Variants in POLN observed in about 807,000 individuals in gnomAD.
The protein encoded by POLN is DNA polymerase N.
POLN carries 108 observed loss-of-function variants against 113.5 expected under a neutral mutation model. The observed-to-expected ratio is 0.95, with a 90% CI of 0.81 to 1.12. The LOEUF (loss-of-function observed/expected upper bound fraction) is 1.12. Ranked by LOEUF, POLN falls within the 50% of genes most tolerant of loss-of-function variation. POLN has a pLI of 0.00. For missense variants in POLN, 1,097 were observed against 1,077.1 expected, an observed-to-expected ratio of 1.02 and a Z score of -0.26; for synonymous variants, 386 against 391.5, an observed-to-expected ratio of 0.99 and a Z score of 0.17.
intron 23 of POLN, chr4:2,078,601 G>A: frequency 3.0e-6 from 3 of 985,256 alleles, no homozygotes; most frequent in Non-Finnish European, 3.6e-6. Context: ...CTGCTTCAGC[G>A]AGAGATGCCT....
Position 2,098,611 on chromosome 4 carries a change from C to T in POLN, c.1983-2678G>A, listed in dbSNP as rs369925593. Among the ~76,000 whole-genome samples the T allele has an allele frequency of 4.6e-5, 7 of 152,290 alleles. No individual in the cohort carries two copies. The East Asian group carries it at 7.7e-4, about 17-fold the overall frequency. On this transcript the variant is annotated intron_variant, in intron 19 of 25. Coordinates refer to ENST00000511885, the MANE Select transcript of POLN (RefSeq NM_181808.4). Reference sequence around the variant, plus strand: ...GACATCAGTATGAACTCATGATAAGCTCCATGTTGATGCACATGGTTACAT... The same window carrying T: ...GACATCAGTATGAACTCATGATAAGTTCCATGTTGATGCACATGGTTACAT...
chr4:2,159,109 C>A, intron 14 of POLN, 46 bp downstream of exon 14: 1 of 1,384,328 alleles, frequency 7.2e-7, no homozygotes, highest in South Asian at 1.2e-5. Flanking sequence ...CCATATGGTT[C>A]CCCCTCATCA....
At chr4:2,183,671 T>C (rs1446378771) in intron 7 of POLN, among the ~76,000 whole-genome samples, 1 of 151,884 alleles carries the variant, frequency 6.6e-6, no homozygotes, top group East Asian at 1.9e-4. Flanking sequence ...AAAGGGGGGA[T>C]GGGGAGTGGC....
intron 16 of POLN, among the ~76,000 whole-genome samples, chr4:2,149,811 C>T (rs937807915): frequency 2.0e-5 from 3 of 151,148 alleles, no homozygotes; most frequent in East Asian, 2.0e-4. Flanking sequence ...GGGCCGGGCG[C>T]GTTGACTCAC....
intron 7 of POLN, among the ~76,000 whole-genome samples, chr4:2,188,072 C>T (rs530094995): frequency 1.4e-4 from 21 of 152,268 alleles, no homozygotes; most frequent in Admixed American, 4.6e-4. Context: ...GCTATGATCA[C>T]ACCACTGCAT....
At chr4:2,197,501 G>A (rs1003740373) in intron 6 of POLN, among the ~76,000 whole-genome samples, 1 of 152,144 alleles carries the variant, frequency 6.6e-6, no homozygotes, top group Non-Finnish European at 1.5e-5. Flanking sequence ...CAGGGTCCAG[G>A]GAAGACAGGA....
rs935237042 is a variant in POLN, at chr4:2,073,831, C to A, written c.2456-802G>T. 1.3e-5 allele frequency among the ~76,000 whole-genome samples: 2 copies of A among 152,330 alleles called. 1 individual carries two copies. On this transcript the variant is annotated intron_variant, in intron 24 of 25. Coordinates refer to ENST00000511885, the MANE Select transcript of POLN (RefSeq NM_181808.4). ...AGCGAGGGTCTCCCTGGGGACCTGTCCCTGGTGTGTCCTGAGCAGGGCCAG... is the reference window on the plus strand; with the variant it reads ...AGCGAGGGTCTCCCTGGGGACCTGTACCTGGTGTGTCCTGAGCAGGGCCAG...
chr4:2,092,004 G>A (rs751556378), intron 20 of POLN, among the ~76,000 whole-genome samples: 1 of 151,846 alleles, frequency 6.6e-6, no homozygotes, highest in Non-Finnish European at 1.5e-5. Flanking sequence ...TGAATCCTAC[G>A]CTGCTTTCAA....
At chr4:2,089,353 T>C in intron 20 of POLN, 1 of 1,389,470 alleles carries the variant, frequency 7.2e-7, no homozygotes, top group Non-Finnish European at 9.9e-7. Context: ...CTGACAGTGA[T>C]TTGCTAATTG....
intron 25 of POLN, 25 bp downstream of exon 25, chr4:2,072,943 C>T (rs758405713): frequency 1.1e-5 from 18 of 1,611,212 alleles, no homozygotes; most frequent in South Asian, 4.4e-5. Flanking sequence ...TCCGGAAGAC[C>T]GGGCAGGCTT....
intron 19 of POLN, among the ~76,000 whole-genome samples, chr4:2,108,716 G>A (rs960359697): frequency 6.6e-5 from 10 of 152,154 alleles, no homozygotes; most frequent in African/African-American, 1.4e-4. Flanking sequence ...GATTCTTTGC[G>A]TGTTGCTCAA....
At chr4:2,240,595 G>A (rs201688781) in intron 2 of POLN, 4 of 1,612,286 alleles carry the variant, frequency 2.5e-6, no homozygotes, top group African/African-American at 2.7e-5. Flanking sequence ...TTACGTCGCT[G>A]AATTTTTAGG....
At chr4:2,137,328 A>G (rs1347991205) in intron 16 of POLN, among the ~76,000 whole-genome samples, 2 of 152,212 alleles carry the variant, frequency 1.3e-5, no homozygotes, top group African/African-American at 4.8e-5. Flanking sequence ...AGGGTCCGCC[A>G]GACAATGCCA....
At chr4:2,122,210 G>A (rs372606290) in intron 19 of POLN, among the ~76,000 whole-genome samples, 22 of 152,234 alleles carry the variant, frequency 1.4e-4, no homozygotes, top group East Asian at 5.8e-4. Flanking sequence ...CAAACCAAGA[G>A]GCAAAATAGT....
intron 3 of POLN, chr4:2,227,425 T>C (rs752285301): frequency 2.0e-5 from 3 of 152,206 alleles, no homozygotes; most frequent in Non-Finnish European, 4.4e-5. Flanking sequence ...CAGAGTCAGG[T>C]CCAGGCTCCT....
chr4:2,094,037 G>A (rs543786189), intron 20 of POLN, among the ~76,000 whole-genome samples: 1 of 152,106 alleles, frequency 6.6e-6, no homozygotes, highest in Non-Finnish European at 1.5e-5. Context: ...GACCACCTCC[G>A]GCTGACAGCC....
In POLN at chr4:2,092,030, T is replaced by C. The variant is rs550596152; in HGVS notation, c.2065+3821A>G. Among the ~76,000 whole-genome samples the C allele has an allele frequency of 3.3e-5, 5 of 152,292 alleles. No individual in the cohort carries two copies. The East Asian group carries it at 5.8e-4, about 18-fold the overall frequency. On this transcript the variant is annotated intron_variant, in intron 20 of 25. Coordinates refer to ENST00000511885, the MANE Select transcript of POLN (RefSeq NM_181808.4). Reference sequence around the variant, plus strand: ...CTGCTTTCAAAACTCAGCTCGGGTGTTGCTGCTCTGGGCCAGCTCCTGGAC... The same window carrying C: ...CTGCTTTCAAAACTCAGCTCGGGTGCTGCTGCTCTGGGCCAGCTCCTGGAC...
chr4:2,137,749 C>T lies in POLN; in HGVS notation c.1732-6459G>A, dbSNP rs550390706. On this transcript the variant is annotated intron_variant, in intron 16 of 25. Coordinates refer to ENST00000511885, the MANE Select transcript of POLN (RefSeq NM_181808.4). The stretch of plus-strand genomic sequence containing the variant: ...GTTCCATACATTCACATTTCACTCT[C>T]CTCTGTATCGTTTCTCATTCCACAT... 1.4e-4 allele frequency among the ~76,000 whole-genome samples: 21 copies of T among 152,302 alleles called. 1 individual carries two copies. In the South Asian group the frequency reaches 2.7e-3, roughly 20 times the overall value.
intron 5 of POLN, among the ~76,000 whole-genome samples, chr4:2,203,907 C>T (rs1263643925): frequency 1.3e-5 from 2 of 151,772 alleles, no homozygotes; most frequent in Non-Finnish European, 1.5e-5. Flanking sequence ...GTCAGGAGTT[C>T]GAGACCAGTC....
Sources: allele counts gnomAD v4.1 joint callset (sites outside exome capture counted in the v4.1 genomes callset), GRCh38; gene constraint gnomAD v4.1.1; transcripts MANE v1.5; gene names NCBI Gene and HGNC (gene_info 2026-07-23, HGNC 2026-07-21).